Variants in IL1RAPL1 observed in about 807,000 individuals in gnomAD.
IL1RAPL1 encodes the protein interleukin 1 receptor accessory protein like 1.
A neutral mutation model predicts 48.4 loss-of-function variants in IL1RAPL1; 3 were observed. That is an observed-to-expected ratio of 0.06 (90% CI 0.03 to 0.16). The LOEUF (loss-of-function observed/expected upper bound fraction) is 0.16, where lower values mean the gene tolerates loss of function less well. IL1RAPL1 is among the 10% of genes least tolerant of loss of function. IL1RAPL1 has a pLI of 1.00. For missense variants in IL1RAPL1, 349 were observed against 530.6 expected, an observed-to-expected ratio of 0.66 and a Z score of 3.36; for synonymous variants, 185 against 187.7, an observed-to-expected ratio of 0.99 and a Z score of 0.12.
At chrX:28,872,488 A>G (rs1440869572) in intron 2 of IL1RAPL1, among the ~76,000 whole-genome samples, 2 of 112,538 alleles carry the variant, frequency 1.8e-5, no homozygotes, top group South Asian at 3.6e-4. Flanking sequence ...AAATGTTCTT[A>G]TAATTAATGC....
intron 5 of IL1RAPL1, among the ~76,000 whole-genome samples, chrX:29,651,780 A>C (rs929506823): frequency 8.9e-6 from 1 of 111,905 alleles, no homozygotes. Context: ...AGGTGCTTTC[A>C]CCACAAAAAT....
intron 5 of IL1RAPL1, among the ~76,000 whole-genome samples, chrX:29,529,401 C>G (rs760766169): frequency 1.8e-5 from 2 of 110,097 alleles, no homozygotes; most frequent in East Asian, 5.7e-4. Flanking sequence ...TGAGACCAGC[C>G]TGGCCAACAT....
At chrX:29,202,338 A>G (rs1406537201) in intron 2 of IL1RAPL1, among the ~76,000 whole-genome samples, 3 of 111,926 alleles carry the variant, frequency 2.7e-5, no homozygotes, top group Non-Finnish European at 5.6e-5. Context: ...CAGAATGGCT[A>G]TTATCAAAAA....
At chrX:29,121,351 C>T (rs1183652356) in intron 2 of IL1RAPL1, among the ~76,000 whole-genome samples, 1 of 112,200 alleles carries the variant, frequency 8.9e-6, no homozygotes, top group Non-Finnish European at 1.9e-5. Context: ...GTCAAAAGTG[C>T]ATTTTTCAAC....
intron 1 of IL1RAPL1, among the ~76,000 whole-genome samples, chrX:28,758,791 G>T (rs1936133005): frequency 9.0e-6 from 1 of 111,684 alleles, no homozygotes; most frequent in Admixed American, 9.5e-5. Context: ...TCCCATGATA[G>T]CTTCCCATTT....
intron 5 of IL1RAPL1, among the ~76,000 whole-genome samples, chrX:29,637,733 A>G (rs762152026): frequency 8.9e-6 from 1 of 111,748 alleles, no homozygotes; most frequent in South Asian, 3.8e-4. Context: ...GAAAAGCTTA[A>G]TTGAAAAAGC....
At chrX:29,585,844 C>G (rs184698427) in intron 5 of IL1RAPL1, among the ~76,000 whole-genome samples, 229 of 110,978 alleles carry the variant, frequency 2.1e-3, no homozygotes, top group Non-Finnish European at 3.5e-3. Flanking sequence ...GTCTTTAGCC[C>G]ATTTTAAAAA....
intron 6 of IL1RAPL1, among the ~76,000 whole-genome samples, chrX:29,828,118 G>A (rs1300274222): frequency 8.9e-6 from 1 of 111,921 alleles, no homozygotes; most frequent in East Asian, 2.8e-4. Context: ...AAGGCTGGGA[G>A]AACATCAGGA....
chrX:28,893,416 T>A (rs187803262), intron 2 of IL1RAPL1, among the ~76,000 whole-genome samples: 2 of 111,382 alleles, frequency 1.8e-5, no homozygotes, highest in African/African-American at 6.5e-5. Context: ...TAGGACTGTA[T>A]AGAGGTGGGA....
chrX:29,228,768 G>A (rs1227012357), intron 2 of IL1RAPL1, among the ~76,000 whole-genome samples: 1 of 112,026 alleles, frequency 8.9e-6, no homozygotes, highest in Non-Finnish European at 1.9e-5. Context: ...AGTTTGTTCT[G>A]TAGTCTTCCG....
At chrX:29,783,123 C>T (rs1356537998) in intron 6 of IL1RAPL1, among the ~76,000 whole-genome samples, 1 of 108,523 alleles carries the variant, frequency 9.2e-6, no homozygotes, top group Non-Finnish European at 1.9e-5. Context: ...CCGGGATGGT[C>T]TCGATCTCCT....
chrX:29,504,061 A>G (rs750846043), intron 5 of IL1RAPL1, among the ~76,000 whole-genome samples: 2 of 108,583 alleles, frequency 1.8e-5, no homozygotes, highest in Non-Finnish European at 3.8e-5. Context: ...CCTGGGTTCA[A>G]GTGATTCTCC....
intron 5 of IL1RAPL1, among the ~76,000 whole-genome samples, chrX:29,608,544 A>T (rs979637799): frequency 2.7e-5 from 3 of 111,524 alleles, no homozygotes; most frequent in African/African-American, 9.8e-5. Flanking sequence ...TAAGAGGAGG[A>T]GGCCGGGCGC....
chrX:29,514,096 A>T (rs772667113), intron 5 of IL1RAPL1, among the ~76,000 whole-genome samples: 39 of 111,388 alleles, frequency 3.5e-4, no homozygotes, highest in Non-Finnish European at 6.8e-4. Flanking sequence ...TTTTAATCAA[A>T]CCCAATTACA....
At chrX:28,819,755 C>A (rs1290673724) in intron 2 of IL1RAPL1, among the ~76,000 whole-genome samples, 4 of 107,012 alleles carry the variant, frequency 3.7e-5, no homozygotes, top group African/African-American at 1.3e-4. Context: ...AAGGATAACT[C>A]CAGAGGCAAA....
At chrX:29,677,700 T>C (rs1201684880) in intron 6 of IL1RAPL1, among the ~76,000 whole-genome samples, 1 of 112,098 alleles carries the variant, frequency 8.9e-6, no homozygotes, top group Non-Finnish European at 1.9e-5. Flanking sequence ...TGTTTATTAA[T>C]GGAAACAAAT....
intron 5 of IL1RAPL1, among the ~76,000 whole-genome samples, chrX:29,513,489 A>T (rs1292738553): frequency 8.9e-6 from 1 of 112,029 alleles, no homozygotes; most frequent in African/African-American, 3.2e-5. Context: ...AAGTAAAAAG[A>T]TTGTTTTAAA....
intron 6 of IL1RAPL1, among the ~76,000 whole-genome samples, chrX:29,765,068 G>T (rs1928849213): frequency 8.9e-6 from 1 of 112,169 alleles, no homozygotes; most frequent in African/African-American, 3.2e-5. Flanking sequence ...TGTTTCCTTT[G>T]TTTCATGCAA....
At chrX:29,809,403 G>A (rs1168747661) in intron 6 of IL1RAPL1, among the ~76,000 whole-genome samples, 6 of 109,904 alleles carry the variant, frequency 5.5e-5, no homozygotes, top group South Asian at 3.9e-4. Flanking sequence ...GTGCCCGGCC[G>A]AGTTTGAACG....
Sources: gnomAD v4.1 joint callset for allele counts (sites outside exome capture counted in the v4.1 genomes callset) on GRCh38, gnomAD v4.1.1 for gene constraint, MANE v1.5 for transcripts, NCBI Gene and HGNC (gene_info 2026-07-23, HGNC 2026-07-21) for gene names.